The following WDR27 variants were observed in gnomAD, a reference collection of about 807,000 sequenced individuals.
WDR27 encodes WD repeat-containing protein 27.
A neutral mutation model predicts 114.4 loss-of-function variants in WDR27; 100 were observed. The observed-to-expected ratio is 0.87, with a 90% CI of 0.74 to 1.03. The LOEUF (loss-of-function observed/expected upper bound fraction) is 1.03. Ranked by LOEUF, WDR27 falls within the 50% of genes least tolerant of loss-of-function variation. The pLI, the probability that WDR27 is intolerant of heterozygous loss-of-function variation, is 0.00. For missense variants in WDR27, 1,129 were observed against 1,092.9 expected, an observed-to-expected ratio of 1.03 and a Z score of -0.47; for synonymous variants, 449 against 423.1, an observed-to-expected ratio of 1.06 and a Z score of -0.75.
Position 169,660,701 on chromosome 6 carries a change from AG to A in WDR27, c.1090del (p.Leu364TrpfsTer28). 6.2e-7 allele frequency: 1 copy of A among 1,614,000 alleles called. No homozygotes were observed. The highest frequency in any genetic ancestry group is 8.5e-7 in the Non-Finnish European group (1 of 1,179,876). On this transcript the variant is annotated frameshift_variant, in exon 10 of 26. Transcript: ENST00000448612. LOFTEE classifies it high-confidence loss of function. Reference sequence around the variant, plus strand: ...AGCAGCTTCCACTTCCAGGTTTGCCAGGTTAAATACGAATAAGCCCACTGAG... The same window carrying A: ...AGCAGCTTCCACTTCCAGGTTTGCCAGTTAAATACGAATAAGCCCACTGAG... ...GSSVGLFVFN[L>X]ANLEVEAALY...
intron 13 of WDR27, among the ~76,000 whole-genome samples, chr6:169,656,692 AGCTCCCAGCTCCGACAGCTCCCAGCTCC>A (rs879366148): frequency 5.9e-5 from 9 of 152,016 alleles, no homozygotes; most frequent in Non-Finnish European, 1.2e-4. Context: ...AGGAGGCGAC[AGCTCCCAGCTCCGACAGCTCCCAGCTCC>A]GCATTAGGCC....
chr6:169,635,227 G>T (rs963299765), intron 19 of WDR27, among the ~76,000 whole-genome samples: 1 of 151,896 alleles, frequency 6.6e-6, no homozygotes, highest in Non-Finnish European at 1.5e-5. Context: ...TTAGCCAGGT[G>T]TGGTTGGGGG....
chr6:169,661,072 C>CGTTGGGCCCCACGTG (rs1825972046), intron 9 of WDR27, among the ~76,000 whole-genome samples: 3 of 152,200 alleles, frequency 2.0e-5, no homozygotes, highest in Admixed American at 2.0e-4. Context: ...AGAGCGTGGG[C>CGTTGGGCCCCACGTG]CGGGGCAGGT....
Position 169,636,367 on chromosome 6 carries a change from C to G in WDR27, c.2003+4G>C. 6.2e-7 allele frequency: 1 copy of G among 1,613,512 alleles called. No homozygotes were observed. The highest frequency in any genetic ancestry group is 1.6e-4 in the Middle Eastern group (1 of 6,062). ...AAATAATGCACAGGGCGGGGGGTGC[C>G]TACCTCTTAATCTCATCTTTGCAAG... On this transcript the variant is annotated splice_donor_region_variant and intron_variant, in intron 19 of 25. Transcript: ENST00000448612.
intron 25 of WDR27, among the ~76,000 whole-genome samples, chr6:169,463,494 G>T (rs1015218609): frequency 6.6e-6 from 1 of 152,222 alleles, no homozygotes; most frequent in Non-Finnish European, 1.5e-5. Flanking sequence ...AGGCAAGGAT[G>T]CCCGCTTTCA....
At chr6:169,570,734 CAGG>C (rs1407353404) in intron 25 of WDR27, among the ~76,000 whole-genome samples, 1 of 152,304 alleles carries the variant, frequency 6.6e-6, no homozygotes, top group East Asian at 1.9e-4. Context: ...GAGGCTGCGG[CAGG>C]AGAATTGCTT....
intron 25 of WDR27, among the ~76,000 whole-genome samples, chr6:169,470,745 C>T (rs1786260370): frequency 6.6e-6 from 1 of 152,140 alleles, no homozygotes; most frequent in Non-Finnish European, 1.5e-5. Context: ...TAATCACCTC[C>T]TAAAAGCCCT....
At chr6:169,528,896 G>A (rs1222446491) in intron 25 of WDR27, among the ~76,000 whole-genome samples, 1 of 152,084 alleles carries the variant, frequency 6.6e-6, no homozygotes, top group African/African-American at 2.4e-5. Context: ...ACACATGTTG[G>A]CCCAAACTTT....
intron 25 of WDR27, among the ~76,000 whole-genome samples, chr6:169,529,690 C>G (rs1346230205): frequency 2.6e-5 from 4 of 152,084 alleles, no homozygotes; most frequent in African/African-American, 9.7e-5. Flanking sequence ...AATGGACCAC[C>G]ATTTAAAATA....
intron 25 of WDR27, among the ~76,000 whole-genome samples, chr6:169,472,169 A>G (rs1190110009): frequency 6.6e-6 from 1 of 152,138 alleles, no homozygotes; most frequent in Non-Finnish European, 1.5e-5. Flanking sequence ...TTCATAATTG[A>G]TTAAGGGAAT....
chr6:169,605,922 G>A (rs556548406), intron 22 of WDR27, among the ~76,000 whole-genome samples: 1 of 152,202 alleles, frequency 6.6e-6, no homozygotes, highest in East Asian at 1.9e-4. Context: ...GAATGAAATT[G>A]GACCCTTATC....
intron 25 of WDR27, among the ~76,000 whole-genome samples, chr6:169,542,024 G>T (rs931308677): frequency 8.5e-5 from 13 of 152,082 alleles, no homozygotes; most frequent in Admixed American, 4.6e-4. Context: ...TAGGAAAGGG[G>T]TATAGATTTT....
intron 13 of WDR27, among the ~76,000 whole-genome samples, chr6:169,654,672 G>C (rs371192830): frequency 2.0e-5 from 3 of 152,054 alleles, no homozygotes; most frequent in East Asian, 3.9e-4. Context: ...GAAAGCACAC[G>C]CCTAAGTGAG....
At chr6:169,438,685 A>G in the WDR27 span, among the ~76,000 whole-genome samples, 1 of 152,176 alleles carries the variant, frequency 6.6e-6, no homozygotes, top group African/African-American at 2.4e-5. Context: ...CCTTTCCATG[A>G]GGTTCAACTT....
chr6:169,662,106 A>T (rs1398968537), intron 9 of WDR27, among the ~76,000 whole-genome samples, 198 bp downstream of exon 9: 1 of 152,250 alleles, frequency 6.6e-6, no homozygotes, highest in Non-Finnish European at 1.5e-5. Flanking sequence ...CCTTTTATTA[A>T]AGACACTTAC....
intron 21 of WDR27, among the ~76,000 whole-genome samples, chr6:169,618,967 T>C (rs1014363535): frequency 1.3e-5 from 2 of 152,226 alleles, no homozygotes; most frequent in Non-Finnish European, 2.9e-5. Flanking sequence ...ATGTTTATTT[T>C]CAGGAAGTAA....
chr6:169,553,408 T>G (rs999162419), intron 25 of WDR27, among the ~76,000 whole-genome samples: 1 of 152,192 alleles, frequency 6.6e-6, no homozygotes, highest in Admixed American at 6.5e-5. Context: ...CAAATTTTCA[T>G]TGAATCTTTA....
At chr6:169,608,213 G>A (rs2473447) in intron 22 of WDR27, among the ~76,000 whole-genome samples, 143,042 of 152,278 alleles carry the variant, frequency 0.94, 67,254 homozygotes, top group East Asian at 0.99. Flanking sequence ...CAATCCAGCA[G>A]TCTCACTACT....
chr6:169,698,316 C>T (rs1052476723), intron 1 of WDR27, among the ~76,000 whole-genome samples: 19 of 151,878 alleles, frequency 1.3e-4, no homozygotes, highest in Non-Finnish European at 2.2e-4. Context: ...TTAATGCCTA[C>T]CTCTCCTGCC....
Sources: gnomAD v4.1 joint callset for allele counts (sites outside exome capture counted in the v4.1 genomes callset) on GRCh38, gnomAD v4.1.1 for gene constraint, MANE v1.5 for transcripts, NCBI Gene and HGNC (gene_info 2026-07-23, HGNC 2026-07-21) for gene names.